The following CNTN5 variants were observed in gnomAD, a reference collection of about 807,000 sequenced individuals.
CNTN5 encodes contactin 5.
Under a neutral mutation model 129.1 loss-of-function variants are expected in CNTN5, and 77 were observed. That is an observed-to-expected ratio of 0.60 (90% CI 0.50 to 0.72). CNTN5 has a LOEUF of 0.72. Ranked by LOEUF, CNTN5 falls within the 30% of genes least tolerant of loss-of-function variation. CNTN5 has a pLI of 0.00. For missense variants in CNTN5, 1,478 were observed against 1,328.8 expected (o/e 1.11, Z -1.75); for synonymous variants, 509 against 465.6 (o/e 1.09, Z -1.20).
At chr11:99,781,704 C>T (rs1285365379) in intron 3 of CNTN5, among the ~76,000 whole-genome samples, 1 of 152,052 alleles carries the variant, frequency 6.6e-6, no homozygotes, top group Non-Finnish European at 1.5e-5. Flanking sequence ...CATTCAAGAA[C>T]GTTCCATGTC....
chr11:99,880,719 A>G (rs1002820996), intron 6 of CNTN5, among the ~76,000 whole-genome samples: 1 of 152,198 alleles, frequency 6.6e-6, no homozygotes, highest in African/African-American at 2.4e-5. Context: ...ACAAAAAATA[A>G]TTTGTTTAAA....
intron 2 of CNTN5, among the ~76,000 whole-genome samples, chr11:99,351,282 T>G (rs2136082357): frequency 6.6e-6 from 1 of 152,324 alleles, no homozygotes; most frequent in African/African-American, 2.4e-5. Flanking sequence ...ATTGCTACAC[T>G]TACCACTCCC....
At chr11:100,122,497 T>C in intron 13 of CNTN5, among the ~76,000 whole-genome samples, 1 of 152,082 alleles carries the variant, frequency 6.6e-6, no homozygotes, top group East Asian at 1.9e-4. Context: ...GTTCTCAAGC[T>C]ATTTTTTTAT....
chr11:99,819,819 T>C lies in CNTN5; in HGVS notation c.277+54T>C, dbSNP rs879187223. 8 of 560,856 alleles carry C rather than the reference T, an allele frequency of 1.4e-5. No homozygotes were observed. In the South Asian group the frequency reaches 2.8e-4, roughly 20 times the overall value. The allele number at this position is 560,856 out of a possible 1,614,324, so 34.7% of individuals were successfully genotyped here. On this transcript the variant is annotated intron_variant, in intron 4 of 24. Coordinates refer to ENST00000524871, the MANE Select transcript of CNTN5 (RefSeq NM_014361.4). ...TAGAATAAAGGAGGCAAAGAAGACT[T>C]ATTTAATACTGTTGCAACAGAGATC...
Position 99,085,786 on chromosome 11 carries a change from C to T in CNTN5, c.-210+64516C>T, listed in dbSNP as rs190599169. Among the ~76,000 whole-genome samples, 576 of 152,228 alleles carry T rather than the reference C, an allele frequency of 3.8e-3. 2 individuals carry two copies. Among genetic ancestry groups the T allele is most frequent in the Middle Eastern group, 0.017 (5 of 294 alleles). ...ATTTCAGTCAAGGATGGGCCTCATA[C>T]ATATAGGAAGGTGGTCCCATAAAAT... is the stretch of plus-strand genomic sequence containing the variant. On this transcript the variant is annotated intron_variant, in intron 1 of 24. Transcript: ENST00000524871.
chr11:99,310,613 C>T (rs1305217921), intron 1 of CNTN5, among the ~76,000 whole-genome samples: 1 of 152,112 alleles, frequency 6.6e-6, no homozygotes, highest in Non-Finnish European at 1.5e-5. Flanking sequence ...CTATAAGCCA[C>T]TATCCCAATC....
intron 2 of CNTN5, among the ~76,000 whole-genome samples, chr11:99,447,432 A>G (rs1944115000): frequency 6.6e-6 from 1 of 152,210 alleles, no homozygotes; most frequent in Admixed American, 6.5e-5. Context: ...CATTTATCAC[A>G]ATTCTGAAAA....
chr11:99,967,011 A>G (rs1164041119), intron 8 of CNTN5, among the ~76,000 whole-genome samples: 2 of 152,268 alleles, frequency 1.3e-5, no homozygotes, highest in South Asian at 4.1e-4. Flanking sequence ...GAAACATCCA[A>G]CCCAGATGAT....
chr11:100,070,233 CT>C, intron 10 of CNTN5, among the ~76,000 whole-genome samples, 190 bp from the exon 11 acceptor site: 1 of 150,984 alleles, frequency 6.6e-6, no homozygotes, highest in East Asian at 1.9e-4. Flanking sequence ...ATCAAAATAT[CT>C]TCACTGCTAT....
chr11:100,337,449 T>C (rs1487999155), intron 21 of CNTN5: 3 of 750,202 alleles, frequency 4.0e-6, no homozygotes, highest in Non-Finnish European at 5.0e-6. Context: ...AAATCAGGTG[T>C]TGAATGTGAT....
At chr11:100,290,496 A>T (rs1262837981) in intron 18 of CNTN5, among the ~76,000 whole-genome samples, 5 of 146,500 alleles carry the variant, frequency 3.4e-5, no homozygotes, top group South Asian at 2.3e-4. Context: ...GACAAAAACA[A>T]GCAATGGGGA....
intron 1 of CNTN5, among the ~76,000 whole-genome samples, chr11:99,254,697 A>C (rs1436966768): frequency 6.6e-6 from 1 of 151,940 alleles, no homozygotes; most frequent in Non-Finnish European, 1.5e-5. Flanking sequence ...GATTTATTTC[A>C]ATATATACAT....
At chr11:99,787,950 C>G (rs546152313) in intron 3 of CNTN5, among the ~76,000 whole-genome samples, 1 of 151,842 alleles carries the variant, frequency 6.6e-6, no homozygotes. Flanking sequence ...AATTATAATG[C>G]CATTATAATT....
chr11:100,329,905 T>A (rs752348373), intron 21 of CNTN5, among the ~76,000 whole-genome samples: 1 of 152,126 alleles, frequency 6.6e-6, no homozygotes, highest in South Asian at 2.1e-4. Flanking sequence ...TCTGGTAATA[T>A]GACAAAACAA....
intron 3 of CNTN5, among the ~76,000 whole-genome samples, chr11:99,617,641 G>T (rs79929590): frequency 6.6e-6 from 1 of 151,782 alleles, no homozygotes; most frequent in African/African-American, 2.4e-5. Flanking sequence ...AGATTTTTTC[G>T]ATGTGCAAAG....
At chr11:99,915,167 G>C (rs906221438) in intron 6 of CNTN5, among the ~76,000 whole-genome samples, 4 of 151,948 alleles carry the variant, frequency 2.6e-5, no homozygotes, top group African/African-American at 9.7e-5. Context: ...TAAAAATATT[G>C]AACTCCTACC....
chr11:99,257,288 T>C (rs1226511714), intron 1 of CNTN5, among the ~76,000 whole-genome samples: 2 of 152,160 alleles, frequency 1.3e-5, no homozygotes, highest in African/African-American at 4.8e-5. Flanking sequence ...TCAAATTCCA[T>C]TTCACATGTG....
chr11:100,262,834 A>C (rs983248577), intron 17 of CNTN5, among the ~76,000 whole-genome samples: 66 of 152,104 alleles, frequency 4.3e-4, no homozygotes, highest in African/African-American at 1.5e-3. Flanking sequence ...GAAATACCTA[A>C]TGTAGATGAC....
Position 99,255,092 on chromosome 11 carries a change from T to TTA in CNTN5, c.-209-70244_-209-70243dup, listed in dbSNP as rs907429671. On this transcript the variant is annotated intron_variant, in intron 1 of 24. Coordinates refer to ENST00000524871, the MANE Select transcript of CNTN5 (RefSeq NM_014361.4). Reference sequence around the variant, plus strand: ...AATATTTGTCAAGAAACTATTTCTATTATATATATATTATACTTAGCAACA... The same window carrying TTA: ...AATATTTGTCAAGAAACTATTTCTATTATATATATATATTATACTTAGCAACA... Among the ~76,000 whole-genome samples the TTA allele has an allele frequency of 1.3e-4, 19 of 151,920 alleles. No homozygotes were observed. In the East Asian group the frequency reaches 2.5e-3, roughly 20 times the overall value.
Sources: allele counts gnomAD v4.1 joint callset (sites outside exome capture counted in the v4.1 genomes callset), GRCh38; gene constraint gnomAD v4.1.1; transcripts MANE v1.5; gene names NCBI Gene and HGNC (gene_info 2026-07-23, HGNC 2026-07-21).